The following KIF4A variants were observed in gnomAD, a reference collection of about 807,000 sequenced individuals.
KIF4A encodes chromosome-associated kinesin KIF4A.
KIF4A carries 7 observed loss-of-function variants against 105.9 expected under a neutral mutation model. That is an observed-to-expected ratio of 0.07 (90% CI 0.04 to 0.12). KIF4A has a LOEUF of 0.12. KIF4A is among the 10% of genes least tolerant of loss of function. The probability of loss-of-function intolerance (pLI) is 1.00; values close to 1 mark genes in which losing one functional copy is unlikely to be tolerated. For synonymous variants in KIF4A, 281 were observed against 331.3 expected (o/e 0.85, Z 1.65); for missense variants, 558 against 929.2 (o/e 0.60, Z 5.19).
intron 13 of KIF4A, among the ~76,000 whole-genome samples, chrX:70,344,551 C>G (rs1371655443): frequency 9.0e-6 from 1 of 111,010 alleles, no homozygotes; most frequent in Non-Finnish European, 1.9e-5. Context: ...CCCTAAAAAT[C>G]TATTTTTGTT....
At chrX:70,297,265 C>T (rs2085787028) in intron 4 of KIF4A, 77 bp downstream of exon 4, 2 of 885,928 alleles carry the variant, frequency 2.3e-6, no homozygotes, top group African/African-American at 4.0e-5. Flanking sequence ...CAGGTTTTTC[C>T]TGACATGACT....
intron 15 of KIF4A, among the ~76,000 whole-genome samples, chrX:70,371,791 C>A (rs1221468149): frequency 4.7e-5 from 5 of 106,447 alleles, no homozygotes; most frequent in African/African-American, 1.4e-4. Context: ...GGTGGAGGGG[C>A]TCCTCACTTC....
chrX:70,341,600 T>G (rs1192086141), intron 10 of KIF4A, among the ~76,000 whole-genome samples, 199 bp from the exon 11 acceptor site: 1 of 111,883 alleles, frequency 8.9e-6, no homozygotes, highest in Non-Finnish European at 1.9e-5. Flanking sequence ...ACTTCAGAGA[T>G]GTGTTTATTG....
chrX:70,392,327 G>T (rs2086240525), intron 20 of KIF4A, among the ~76,000 whole-genome samples: 1 of 111,830 alleles, frequency 8.9e-6, no homozygotes, highest in Admixed American at 9.6e-5. Context: ...TGCTTTTTGG[G>T]GAGAGGGATG....
At chrX:70,295,321 G>A (rs1466533661) in intron 3 of KIF4A, among the ~76,000 whole-genome samples, 2 of 108,740 alleles carry the variant, frequency 1.8e-5, no homozygotes, top group Admixed American at 9.8e-5. Context: ...GACCACAGGC[G>A]CCCACCATCA....
intron 10 of KIF4A, among the ~76,000 whole-genome samples, chrX:70,334,322 C>CA (rs1323160875): frequency 1.8e-5 from 2 of 112,076 alleles, no homozygotes; most frequent in African/African-American, 6.5e-5. Flanking sequence ...GTAACGTACA[C>CA]ATACACTTTC....
At chrX:70,339,476 C>A (rs746625982) in intron 10 of KIF4A, among the ~76,000 whole-genome samples, 1 of 112,376 alleles carries the variant, frequency 8.9e-6, no homozygotes, top group African/African-American at 3.2e-5. Context: ...AAGTTCCAGA[C>A]TTCTGATTGT....
rs780268186 is a variant in KIF4A at position 70,371,733 on chromosome X, G to A, written c.1675-2418G>A. On this transcript the variant is annotated intron_variant, in intron 15 of 30. Transcript: ENST00000374403. ...CCCCCACCTCCCTCCCGGACGGGGCGGCTGCTGGGCGGAGACGCTCCTCAC... is the reference window on the plus strand; with the variant it reads ...CCCCCACCTCCCTCCCGGACGGGGCAGCTGCTGGGCGGAGACGCTCCTCAC... 8.3e-3 allele frequency among the ~76,000 whole-genome samples: 907 copies of A among 109,230 alleles called. 10 individuals are homozygous for A. Among genetic ancestry groups the A allele is most frequent in the African/African-American group, 0.029 (858 of 29,934 alleles). 94.9% of individuals were successfully genotyped at this position (109,230 alleles called of 115,157 possible). A position where few individuals can be genotyped will look rare whatever the true frequency, so the allele number is the denominator to read the frequency against.
At chrX:70,317,845 C>T (rs1195483589) in intron 7 of KIF4A, among the ~76,000 whole-genome samples, 1 of 106,456 alleles carries the variant, frequency 9.4e-6, no homozygotes, top group Admixed American at 1.0e-4. Flanking sequence ...CACCTGGCCC[C>T]CCTTGCTTGC....
chrX:70,308,631 A>G (rs977065752), intron 7 of KIF4A, among the ~76,000 whole-genome samples: 6 of 112,362 alleles, frequency 5.3e-5, no homozygotes, highest in Non-Finnish European at 1.1e-4. Context: ...GTTTTAAGAG[A>G]TGGAGTCTTG....
intron 15 of KIF4A, among the ~76,000 whole-genome samples, chrX:70,360,556 A>C (rs1217287139): frequency 8.8e-6 from 1 of 113,302 alleles, no homozygotes; most frequent in East Asian, 2.8e-4. Context: ...AGCCACGTCA[A>C]CAAGCGACAT....
intron 6 of KIF4A, 54 bp downstream of exon 6, chrX:70,302,120 A>G: frequency 1.7e-6 from 2 of 1,152,548 alleles, no homozygotes; most frequent in Non-Finnish European, 1.2e-6. Flanking sequence ...ATTAAGGTTA[A>G]ACATTAGACT....
chrX:70,382,103 G>C (rs746648905), intron 18 of KIF4A, among the ~76,000 whole-genome samples: 3 of 112,289 alleles, frequency 2.7e-5, no homozygotes, highest in Non-Finnish European at 5.6e-5. Flanking sequence ...AATAGTCCTA[G>C]AACAACCGGG....
At chrX:70,393,780 GTTTCT>G (rs1303698921) in intron 20 of KIF4A, among the ~76,000 whole-genome samples, 17 of 99,476 alleles carry the variant, frequency 1.7e-4, no homozygotes, top group Admixed American at 9.8e-4. Context: ...TTTAAGGTGT[GTTTCT>G]TTTCTTTTCT....
chrX:70,349,894 C>T (rs1232023347), intron 13 of KIF4A, among the ~76,000 whole-genome samples: 4 of 94,023 alleles, frequency 4.3e-5, no homozygotes, highest in East Asian at 7.2e-4. Context: ...GACGGGGTGG[C>T]GGCCGGGCAG....
intron 15 of KIF4A, among the ~76,000 whole-genome samples, chrX:70,366,465 GT>G (rs2086104016): frequency 8.9e-6 from 1 of 111,957 alleles, no homozygotes; most frequent in Non-Finnish European, 1.9e-5. Flanking sequence ...GTTCTCATTG[GT>G]TTCAAAGAAC....
At chrX:70,365,069 T>C (rs1431528265) in intron 15 of KIF4A, among the ~76,000 whole-genome samples, 3 of 111,899 alleles carry the variant, frequency 2.7e-5, no homozygotes, top group East Asian at 2.8e-4. Flanking sequence ...ATAAGAATGC[T>C]TGTGATTTTT....
At chrX:70,331,678 GA>G (rs749274176) in intron 9 of KIF4A, among the ~76,000 whole-genome samples, 29 of 111,334 alleles carry the variant, frequency 2.6e-4, no homozygotes, top group African/African-American at 9.4e-4. Context: ...GCAGTAAAGT[GA>G]AGCACAATAA....
At position 70,415,818 on chromosome X, in the gene KIF4A, A is replaced by C. The variant is rs753087382; in HGVS notation, c.3256-2070A>C. ...ATTGCTATTGTCTATGCTTTTGTAC[A>C]CATGAACAAAATTATGGTGCCCTAA... is the stretch of plus-strand genomic sequence containing the variant. On this transcript the variant is annotated intron_variant, in intron 28 of 30. Transcript: ENST00000374403. Among the ~76,000 whole-genome samples, 4 of 105,960 alleles carry C rather than the reference A, an allele frequency of 3.8e-5. No homozygotes were observed. In the South Asian group the frequency reaches 1.7e-3, roughly 46 times the overall value. 92.0% of individuals were successfully genotyped at this position (105,960 alleles called of 115,157 possible).
Sources: allele counts gnomAD v4.1 joint callset (sites outside exome capture counted in the v4.1 genomes callset), GRCh38; gene constraint gnomAD v4.1.1; transcripts MANE v1.5; gene names NCBI Gene and HGNC (gene_info 2026-07-23, HGNC 2026-07-21).